C13orf42: variants seen among roughly 807,000 people sequenced by gnomAD.
C13orf42 encodes chromosome 13 open reading frame 42.
intron 1 of C13orf42, among the ~76,000 whole-genome samples, chr13:51,152,489 C>T (rs1159486762): frequency 6.6e-6 from 1 of 152,166 alleles, no homozygotes; most frequent in Non-Finnish European, 1.5e-5. Flanking sequence ...GCTGGAACTA[C>T]AGGTGCATGC....
chr13:51,147,728 C>CA (rs1555268478), intron 1 of C13orf42, among the ~76,000 whole-genome samples: 8 of 25,948 alleles, frequency 3.1e-4, no homozygotes, highest in African/African-American at 7.5e-4. Context: ...GACTGTGTCT[C>CA]AAAAAAAAAC....
Position 51,104,487 on chromosome 13 carries a change from G to A in C13orf42, c.414+6309C>T, listed in dbSNP as rs77346972. On this transcript the variant is annotated intron_variant, in intron 1 of 3. Transcript: ENST00000563710. ...AGATTGCCTGAGTCCAGGAGTTTGA[G>A]AAAAGTATTTAATTTCTTAAGAATT... Among the ~76,000 whole-genome samples the A allele has an allele frequency of 6.5e-3, 987 of 152,280 alleles. 8 individuals are homozygous for A. The highest frequency in any genetic ancestry group is 0.01 in the Non-Finnish European group (707 of 68,028).
intron 1 of C13orf42, among the ~76,000 whole-genome samples, chr13:51,166,844 C>T (rs1483660194): frequency 1.3e-5 from 2 of 152,014 alleles, no homozygotes; most frequent in South Asian, 2.1e-4. Flanking sequence ...CTTGGGAGGC[C>T]GAGGCGGGCG....
At chr13:51,101,092 G>C (rs1340830654) in intron 1 of C13orf42, among the ~76,000 whole-genome samples, 1 of 152,170 alleles carries the variant, frequency 6.6e-6, no homozygotes, top group East Asian at 1.9e-4. Context: ...AAGCATGGCA[G>C]TTGAAGACTA....
At chr13:51,150,716 A>C (rs1419866980) in intron 1 of C13orf42, among the ~76,000 whole-genome samples, 1 of 152,276 alleles carries the variant, frequency 6.6e-6, no homozygotes, top group East Asian at 1.9e-4. Flanking sequence ...CACCAGAAAG[A>C]TACTCGCAGA....
At chr13:51,116,538 A>T (rs931383143) in intron 1 of C13orf42, among the ~76,000 whole-genome samples, 1 of 152,364 alleles carries the variant, frequency 6.6e-6, no homozygotes, top group South Asian at 2.1e-4. Context: ...GGTACAGTGT[A>T]CAACCCACAC....
intron 1 of C13orf42, among the ~76,000 whole-genome samples, chr13:51,153,619 C>CTGTTTTTTTTTTTTGTTTGTT (rs1953799230): frequency 1.1e-5 from 1 of 94,846 alleles, no homozygotes; most frequent in African/African-American, 3.6e-5. Context: ...TTCTTGCTTT[C>CTGTTTTTTTTTTTTGTTTGTT]TGTTTTTTTT....
intron 1 of C13orf42, among the ~76,000 whole-genome samples, chr13:51,142,618 A>C (rs1318798569): frequency 6.9e-6 from 1 of 144,746 alleles, no homozygotes; most frequent in Admixed American, 7.1e-5. Flanking sequence ...AGAAAGAAGA[A>C]AAAGAAGTGT....
intron 1 of C13orf42, among the ~76,000 whole-genome samples, chr13:51,170,219 CTT>C (rs1414572403): frequency 2.0e-5 from 3 of 152,294 alleles, no homozygotes; most frequent in South Asian, 4.1e-4. Flanking sequence ...TTTGCTGACT[CTT>C]TTCGGACTCA....
At chr13:51,150,061 T>C (rs1953767492) in intron 1 of C13orf42, among the ~76,000 whole-genome samples, 1 of 152,254 alleles carries the variant, frequency 6.6e-6, no homozygotes, top group African/African-American at 2.4e-5. Context: ...TCCGTAGATA[T>C]AAAACCAGTT....
rs753098300 is a variant in C13orf42 at position 51,098,194 on chromosome 13, G to A, written c.415-10119C>T. ...ATCCTGCTTGGCTTCACCACCCTCC[G>A]GGTACCTGAGATGCTCCCTTCCCCA... On this transcript the variant is annotated intron_variant, in intron 1 of 3. Coordinates refer to ENST00000563710, the MANE Select transcript of C13orf42 (RefSeq NM_001351589.3). Among the ~76,000 whole-genome samples, 9 of 151,330 alleles carry A rather than the reference G, an allele frequency of 5.9e-5. No individual in the cohort carries two copies. The South Asian group carries it at 6.3e-4, about 11-fold the overall frequency.
At chr13:51,115,654 G>A (rs1255267396), upstream of C13orf42, among the ~76,000 whole-genome samples, 1 of 152,182 alleles carries the variant, frequency 6.6e-6, no homozygotes, top group Non-Finnish European at 1.5e-5. Context: ...CCTTCCAAGA[G>A]GCAGGGAGGT....
intron 1 of C13orf42, among the ~76,000 whole-genome samples, chr13:51,130,671 C>T (rs1268689142): frequency 6.6e-6 from 1 of 151,886 alleles, no homozygotes; most frequent in Non-Finnish European, 1.5e-5. Flanking sequence ...AGAATCAGAC[C>T]TTATCTGCAC....
At chr13:51,156,819 CTGTAAT>C (rs60882776) in intron 1 of C13orf42, among the ~76,000 whole-genome samples, 5,502 of 152,252 alleles carry the variant, frequency 0.036, 326 homozygotes, top group African/African-American at 0.12. Flanking sequence ...ATTTTCCACA[CTGTAAT>C]TGTCTGCCTA....
intron 1 of C13orf42, among the ~76,000 whole-genome samples, chr13:51,129,860 T>C (rs1049952059): frequency 2.0e-5 from 3 of 152,152 alleles, no homozygotes; most frequent in African/African-American, 7.2e-5. Flanking sequence ...TGGTCAGTTA[T>C]AAACTTTGCT....
chr13:51,091,606 TG>T lies in C13orf42; in HGVS notation c.415-3532del, dbSNP rs1266590915. 2.0e-5 allele frequency among the ~76,000 whole-genome samples: 3 copies of T among 152,140 alleles called. No individual in the cohort carries two copies. In the East Asian group the frequency reaches 5.8e-4, roughly 29 times the overall value. On this transcript the variant is annotated intron_variant, in intron 1 of 3. Coordinates refer to ENST00000563710, the MANE Select transcript of C13orf42 (RefSeq NM_001351589.3). ...AATCCCAGTGGTTGTTAGACTCTCC[TG>T]GGGTGCTTTTAAAGAATATCTATGC... is the stretch of plus-strand genomic sequence containing the variant.
chr13:51,145,779 G>A (rs1953729679), intron 1 of C13orf42, among the ~76,000 whole-genome samples: 1 of 152,228 alleles, frequency 6.6e-6, no homozygotes, highest in Middle Eastern at 3.4e-3. Context: ...TCTGCTTCCA[G>A]TCTTCCTGCC....
intron 1 of C13orf42, among the ~76,000 whole-genome samples, chr13:51,164,357 G>A (rs1953889428): frequency 6.6e-6 from 1 of 152,078 alleles, no homozygotes; most frequent in South Asian, 2.1e-4. Context: ...ACTGAATAAT[G>A]CACCATTAAA....
chr13:51,155,885 C>G (rs1399287137), intron 1 of C13orf42, among the ~76,000 whole-genome samples: 1 of 152,112 alleles, frequency 6.6e-6, no homozygotes, highest in Non-Finnish European at 1.5e-5. Context: ...GGGAAAATTA[C>G]CAGAATCCAG....
Sources: gnomAD v4.1 joint callset for allele counts (sites outside exome capture counted in the v4.1 genomes callset) on GRCh38, gnomAD v4.1.1 for gene constraint, MANE v1.5 for transcripts, NCBI Gene and HGNC (gene_info 2026-07-23, HGNC 2026-07-21) for gene names.